WDFY4: variants seen among roughly 807,000 people sequenced by gnomAD.
WDFY4 encodes WD repeat- and FYVE domain-containing protein 4.
In WDFY4, 169 loss-of-function variants were observed where a neutral mutation model predicts 351.9. That is an observed-to-expected ratio of 0.48 (90% CI 0.42 to 0.55). The LOEUF (loss-of-function observed/expected upper bound fraction) is 0.55. Ranked by LOEUF, WDFY4 falls within the 20% of genes least tolerant of loss-of-function variation. The pLI, the probability that WDFY4 is intolerant of heterozygous loss-of-function variation, is 0.00. For missense variants in WDFY4, 3,803 were observed against 3,935.6 expected (o/e 0.97, Z 0.90); for synonymous variants, 1,622 against 1,574.6 (o/e 1.03, Z -0.71).
At chr10:48,885,788 C>G (rs2070432263) in intron 43 of WDFY4, among the ~76,000 whole-genome samples, 1 of 151,604 alleles carries the variant, frequency 6.6e-6, no homozygotes, top group Non-Finnish European at 1.5e-5. Context: ...ATAGCATCTC[C>G]TTATTGTTTT....
chr10:48,914,213 T>G, intron 47 of WDFY4: 1 of 1,531,264 alleles, frequency 6.5e-7, no homozygotes, highest in Admixed American at 2.0e-5. Context: ...GTGATCAGTG[T>G]GAGGAAAAAT....
At position 48,970,184 on chromosome 10, in the gene WDFY4, G is replaced by T; in HGVS notation, c.8823G>T (p.Val2941=). 1 of 1,551,706 alleles carries T rather than the reference G, an allele frequency of 6.4e-7. No individual in the cohort carries two copies. The highest frequency in any genetic ancestry group is 8.7e-7 in the Non-Finnish European group (1 of 1,147,018). The change falls in exon 57 of 62, where the codon GTG becomes GTT. Residue 2941 remains valine (V), a synonymous_variant. Transcript: ENST00000325239. ...CCTGGGGCCGCTGTCTGTGCGCCGT[G>T]TGCCCATCCCCAACAACGATTGTCA... The part of the protein sequence containing the change: ...LAAWGRCLCA[V]CPSPTTIVTS...
intron 39 of WDFY4, among the ~76,000 whole-genome samples, chr10:48,855,831 A>G (rs555998744): frequency 5.7e-4 from 87 of 152,250 alleles, no homozygotes; most frequent in Non-Finnish European, 1.0e-3. Flanking sequence ...TATAAGTTTT[A>G]TAACTTTTGT....
At chr10:48,819,702 T>C (rs1207113797) in intron 32 of WDFY4, among the ~76,000 whole-genome samples, 1 of 152,130 alleles carries the variant, frequency 6.6e-6, no homozygotes, top group Admixed American at 6.5e-5. Context: ...AGGAAAGAAC[T>C]CTTTGGAGTC....
In WDFY4 at chr10:48,976,928, A is replaced by T; in HGVS notation, c.9240A>T (p.Ala3080=). ...ITCCCLMEGP[A]WDTSQIIITG... is the part of the protein sequence containing the mutation. The stretch of plus-strand genomic sequence containing the variant: ...GCTGCTGCCTGATGGAGGGCCCAGC[A>T]TGGGACACAAGCCAGATCATCATCA... Residue 3080 remains alanine, a synonymous_variant, in exon 59 of 62, where the codon GCA becomes GCT. Coordinates refer to ENST00000325239, the MANE Select transcript of WDFY4 (RefSeq NM_001394531.1). The T allele has an allele frequency of 6.5e-7, 1 of 1,531,368 alleles. No individual in the cohort carries two copies. The highest frequency in any genetic ancestry group is 8.8e-7 in the Non-Finnish European group (1 of 1,135,746). 94.9% of individuals were successfully genotyped at this position (1,531,368 alleles called of 1,614,324 possible).
At chr10:48,886,847 A>G (rs1176756024) in intron 43 of WDFY4, among the ~76,000 whole-genome samples, 1 of 152,220 alleles carries the variant, frequency 6.6e-6, no homozygotes, top group African/African-American at 2.4e-5. Context: ...CTAATATATC[A>G]TTCAGTTGAT....
At chr10:48,710,290 C>T (rs1397320122) in intron 2 of WDFY4, among the ~76,000 whole-genome samples, 2 of 152,238 alleles carry the variant, frequency 1.3e-5, no homozygotes, top group Admixed American at 6.5e-5. Context: ...GGGTGAGGGG[C>T]CTCTCTCAGG....
At chr10:48,805,171 C>A in intron 25 of WDFY4, 89 bp from the exon 26 acceptor site, 1 of 1,439,670 alleles carries the variant, frequency 6.9e-7, no homozygotes, top group Non-Finnish European at 9.3e-7. Flanking sequence ...ATGGAACAAG[C>A]CTGGCTTGAA....
At chr10:48,685,401 G>A (rs1038707955) in intron 1 of WDFY4, among the ~76,000 whole-genome samples, 4 of 152,186 alleles carry the variant, frequency 2.6e-5, no homozygotes, top group Non-Finnish European at 5.9e-5. Flanking sequence ...AGAGCAGGCC[G>A]ACAGGACAGT....
intron 11 of WDFY4, among the ~76,000 whole-genome samples, chr10:48,738,119 A>G: frequency 6.6e-6 from 1 of 152,248 alleles, no homozygotes; most frequent in East Asian, 1.9e-4. Context: ...CTATTGGGTG[A>G]ATAATTGTTC....
chr10:48,962,229 T>C lies in WDFY4; in HGVS notation c.8224-1613T>C, dbSNP rs1157146001. Among the ~76,000 whole-genome samples, 3 of 152,250 alleles carry C rather than the reference T, an allele frequency of 2.0e-5. No homozygotes were observed. In the East Asian group the frequency reaches 5.8e-4, roughly 29 times the overall value. On this transcript the variant is annotated intron_variant, in intron 53 of 61. Coordinates refer to ENST00000325239, the MANE Select transcript of WDFY4 (RefSeq NM_001394531.1). The stretch of plus-strand genomic sequence containing the variant: ...TATACCCCAAGCCAGGTGGTAGGCT[T>C]GGGAGAGCCATACCTTTCATTACCC...
rs781715926 is a variant in WDFY4 at position 48,723,562 on chromosome 10, G to A, written c.586G>A (p.Val196Met). The change falls in exon 5 of 62, where the codon GTG (valine) becomes ATG (methionine). Residue 196 changes from valine to methionine, a missense_variant. By Grantham distance (21) the Val-to-Met change is conservative (BLOSUM62 1). This residue lies in a region of WDFY4 where 488 missense variants were observed against 456.8 expected (regional missense o/e 1.07). Transcript: ENST00000325239. ...TGATCTTCAAGTTCAAAAGATGTTC[G>A]TGCAGGTGAGTTCAAGGAGGGCCTC... ...ESDLQVQKMFVQMLLNICSDS... is the reference protein window; with the variant it reads ...ESDLQVQKMFMQMLLNICSDS... The A allele has an allele frequency of 2.4e-5, 38 of 1,551,724 alleles. No individual in the cohort carries two copies. The highest frequency in any genetic ancestry group is 2.0e-4 in the South Asian group (17 of 84,046).
chr10:48,703,739 G>A (rs933273205), intron 1 of WDFY4, among the ~76,000 whole-genome samples: 3 of 152,200 alleles, frequency 2.0e-5, no homozygotes, highest in African/African-American at 7.2e-5. Context: ...TCATCAAAAT[G>A]TTTACTTAGC....
At chr10:48,685,292 G>C (rs750508194) in intron 1 of WDFY4, among the ~76,000 whole-genome samples, 4 of 152,188 alleles carry the variant, frequency 2.6e-5, no homozygotes, top group Non-Finnish European at 4.4e-5. Context: ...AGCACTCCTC[G>C]ACCTCTGACG....
intron 13 of WDFY4, among the ~76,000 whole-genome samples, chr10:48,772,535 T>TTTG (rs2065899171): frequency 9.5e-6 from 1 of 105,810 alleles, no homozygotes; most frequent in African/African-American, 4.1e-5. Context: ...TTTTTTTTTT[T>TTTG]GCATTTTCTT....
intron 20 of WDFY4, among the ~76,000 whole-genome samples, chr10:48,787,786 T>TTCC (rs771377133): frequency 0.09 from 7,972 of 88,336 alleles, 1,128 homozygotes; most frequent in South Asian, 0.19. Context: ...TTTCTTCCTC[T>TTCC]TCCTCCTCCT....
At chr10:48,971,489 C>A (rs1456617811) in intron 57 of WDFY4, among the ~76,000 whole-genome samples, 1 of 149,558 alleles carries the variant, frequency 6.7e-6, no homozygotes, top group African/African-American at 2.5e-5. Flanking sequence ...GAGCGAGACT[C>A]TGTCTCAAAA....
At chr10:48,745,837 C>T (rs539731257) in intron 12 of WDFY4, 8 of 333,362 alleles carry the variant, frequency 2.4e-5, no homozygotes, top group South Asian at 2.1e-4. Context: ...AACACCTCGG[C>T]GTCCAAGGCA....
In WDFY4 at chr10:48,867,171, AAAAAT is replaced by A. The variant is rs56031039; in HGVS notation, c.6664-48_6664-44del. ...GGTGACAGAATGAGACTGTGTCTCA[AAAAAT>A]AAAATAAAATAAAATAAAATAAAAT... On this transcript the variant is annotated intron_variant, in intron 39 of 61. Transcript: ENST00000325239. The A allele has an allele frequency of 4.8e-3, 1,662 of 348,608 alleles. 13 individuals carry two copies. The highest frequency in any genetic ancestry group is 0.029 in the East Asian group (222 of 7,606). 21.6% of individuals were successfully genotyped at this position (348,608 alleles called of 1,614,324 possible). A position where few individuals can be genotyped will look rare whatever the true frequency, so the allele number is the denominator to read the frequency against.
Sources: allele counts gnomAD v4.1 joint callset (sites outside exome capture counted in the v4.1 genomes callset), GRCh38; gene constraint gnomAD v4.1.1; regional missense constraint gnomAD v4.1.1; transcripts MANE v1.5; gene names NCBI Gene and HGNC (gene_info 2026-07-23, HGNC 2026-07-21).